Variants in REC114 observed in about 807,000 individuals in gnomAD.
REC114 encodes REC114 meiotic recombination protein.
A neutral mutation model predicts 31.3 loss-of-function variants in REC114; 27 were observed. That is an observed-to-expected ratio of 0.86 (90% CI 0.64 to 1.19). The LOEUF (loss-of-function observed/expected upper bound fraction) is 1.19, where lower values mean the gene tolerates loss of function less well. Ranked by LOEUF, REC114 falls within the 50% of genes most tolerant of loss-of-function variation. The pLI is 0.00. For missense variants in REC114, 344 were observed against 326.9 expected, an observed-to-expected ratio of 1.05 and a Z score of -0.40; for synonymous variants, 134 against 127.7, an observed-to-expected ratio of 1.05 and a Z score of -0.33.
intron 1 of REC114, among the ~76,000 whole-genome samples, chr15:73,453,414 A>G (rs890313425): frequency 4.6e-5 from 7 of 152,204 alleles, no homozygotes; most frequent in African/African-American, 1.2e-4. Flanking sequence ...GAAAACCACA[A>G]TGAGATACCA....
intron 2 of REC114, among the ~76,000 whole-genome samples, chr15:73,515,978 T>C (rs1893852775): frequency 6.6e-6 from 1 of 151,928 alleles, no homozygotes; most frequent in African/African-American, 2.4e-5. Flanking sequence ...AAGGCCAGTC[T>C]CTAGCTTTTT....
Position 73,443,358 on chromosome 15 carries a change from G to T in REC114, c.159+14G>T. On this transcript the variant is annotated intron_variant, in intron 1 of 5. Transcript: ENST00000331090. Reference sequence around the variant, plus strand: ...CCCACATGGAAGGTGAGGCCCGAAGGCAGGAATATCCCTGAGGTGCCCACA... The same window carrying T: ...CCCACATGGAAGGTGAGGCCCGAAGTCAGGAATATCCCTGAGGTGCCCACA... 6.4e-7 allele frequency: 1 copy of T among 1,558,744 alleles called. No individual in the cohort carries two copies.
chr15:73,543,670 A>G (rs1426648769), intron 3 of REC114, among the ~76,000 whole-genome samples: 1 of 152,130 alleles, frequency 6.6e-6, no homozygotes, highest in Non-Finnish European at 1.5e-5. Context: ...TCAGCCAGTT[A>G]TTATTGGATT....
chr15:73,510,884 A>G (rs1426872455), intron 2 of REC114, among the ~76,000 whole-genome samples: 7 of 152,094 alleles, frequency 4.6e-5, no homozygotes, highest in Admixed American at 3.9e-4. Context: ...TGTTCATCAA[A>G]GATATTGGTC....
At chr15:73,450,478 C>T (rs1447293216) in intron 1 of REC114, among the ~76,000 whole-genome samples, 1 of 152,194 alleles carries the variant, frequency 6.6e-6, no homozygotes, top group South Asian at 2.1e-4. Context: ...CACCCAGATT[C>T]ATAAAGCAAG....
chr15:73,501,678 C>T (rs1893605886), intron 2 of REC114, among the ~76,000 whole-genome samples: 1 of 152,152 alleles, frequency 6.6e-6, no homozygotes, highest in African/African-American at 2.4e-5. Context: ...CTCCTGACCT[C>T]AATTGATCCA....
chr15:73,488,984 G>T (rs1893409522), intron 2 of REC114, among the ~76,000 whole-genome samples: 1 of 152,144 alleles, frequency 6.6e-6, no homozygotes, highest in African/African-American at 2.4e-5. Context: ...GTCACAGACT[G>T]GGTAATTTAT....
At chr15:73,481,006 A>G (rs1026072556) in intron 2 of REC114, among the ~76,000 whole-genome samples, 23 of 152,330 alleles carry the variant, frequency 1.5e-4, no homozygotes, top group African/African-American at 5.3e-4. Flanking sequence ...GAGACAGGAC[A>G]GCCATAGAAA....
chr15:73,501,355 G>A (rs947676244), intron 2 of REC114, among the ~76,000 whole-genome samples: 36 of 152,264 alleles, frequency 2.4e-4, no homozygotes, highest in Admixed American at 1.4e-3. Flanking sequence ...TTCTATTGAA[G>A]GAAACGTGGT....
chr15:73,504,604 T>C (rs1004779980), intron 2 of REC114, among the ~76,000 whole-genome samples: 2 of 152,196 alleles, frequency 1.3e-5, no homozygotes, highest in Admixed American at 1.3e-4. Context: ...AGATTTATGC[T>C]GCTTTGGCTT....
intron 2 of REC114, among the ~76,000 whole-genome samples, chr15:73,530,610 T>C (rs1271201501): frequency 6.6e-6 from 1 of 152,164 alleles, no homozygotes; most frequent in East Asian, 1.9e-4. Flanking sequence ...ATCGTACCAC[T>C]GCACTCCATC....
At chr15:73,522,495 A>G (rs1893950692) in intron 2 of REC114, among the ~76,000 whole-genome samples, 1 of 152,192 alleles carries the variant, frequency 6.6e-6, no homozygotes, top group Non-Finnish European at 1.5e-5. Context: ...GCTTTCCGTT[A>G]GTGTAGATTA....
At chr15:73,539,183 G>A (rs1304523545) in intron 2 of REC114, among the ~76,000 whole-genome samples, 1 of 151,180 alleles carries the variant, frequency 6.6e-6, no homozygotes, top group African/African-American at 2.4e-5. Flanking sequence ...AATTCTGAGA[G>A]GGTTTTAAGA....
At chr15:73,539,457 CT>C (rs58815458) in intron 2 of REC114, among the ~76,000 whole-genome samples, 4,635 of 104,232 alleles carry the variant, frequency 0.044, 272 homozygotes, top group African/African-American at 0.15. Flanking sequence ...CGCCCGGCTA[CT>C]TTTTTTTTTT....
At chr15:73,443,387 C>T in intron 1 of REC114, 43 bp downstream of exon 1, 2 of 1,528,008 alleles carry the variant, frequency 1.3e-6, no homozygotes, top group Non-Finnish European at 1.8e-6. Flanking sequence ...GCCCACAGCC[C>T]TCAGGAGGGG....
intron 1 of REC114, among the ~76,000 whole-genome samples, chr15:73,443,551 C>G (rs1237050999): frequency 6.6e-6 from 1 of 152,146 alleles, no homozygotes; most frequent in Non-Finnish European, 1.5e-5. Flanking sequence ...TTTACAGTCT[C>G]AAAATAATTA....
chr15:73,457,434 GGT>G (rs1163823591), intron 1 of REC114, among the ~76,000 whole-genome samples: 1 of 152,094 alleles, frequency 6.6e-6, no homozygotes, highest in East Asian at 1.9e-4. Context: ...TCTCTTCTCT[GGT>G]GTTTTGTCTT....
chr15:73,538,490 T>C (rs1310816804), intron 2 of REC114, among the ~76,000 whole-genome samples: 5 of 144,558 alleles, frequency 3.5e-5, no homozygotes, highest in Non-Finnish European at 7.5e-5. Flanking sequence ...AGAGGCTTGC[T>C]CTTTCGCCCA....
At chr15:73,540,589 C>T (rs1595881234) in intron 3 of REC114, 21 bp downstream of exon 3, 9 of 1,589,422 alleles carry the variant, frequency 5.7e-6, no homozygotes, top group East Asian at 2.2e-5. Context: ...AGCTAATGAT[C>T]ACACTCTTCT....
Sources: allele counts gnomAD v4.1 joint callset (sites outside exome capture counted in the v4.1 genomes callset), GRCh38; gene constraint gnomAD v4.1.1; transcripts MANE v1.5; gene names NCBI Gene and HGNC (gene_info 2026-07-23, HGNC 2026-07-21).